Variants in SPMIP2 observed in about 807,000 individuals in gnomAD.
SPMIP2 encodes the protein sperm microtubule inner protein 2, also known as protein SPMIP2.
chr4:158,933,073 G>A, the SPMIP2 span, among the ~76,000 whole-genome samples: 23 of 152,184 alleles, frequency 1.5e-4, no homozygotes, highest in South Asian at 1.0e-3. Context: ...GCGCAATCTC[G>A]GCTCACTGCA....
chr4:158,959,117 C>G, the SPMIP2 span, among the ~76,000 whole-genome samples: 1 of 152,194 alleles, frequency 6.6e-6, no homozygotes, highest in Non-Finnish European at 1.5e-5. Context: ...AACATTCTTT[C>G]ATTCAAAGAA....
the SPMIP2 span, among the ~76,000 whole-genome samples, chr4:158,908,322 C>A: frequency 6.6e-6 from 1 of 151,904 alleles, no homozygotes; most frequent in South Asian, 2.1e-4. Context: ...CCTGCGTAAC[C>A]CTTAAATGTC....
At chr4:159,074,720 G>C in the SPMIP2 span, among the ~76,000 whole-genome samples, 3 of 152,274 alleles carry the variant, frequency 2.0e-5, no homozygotes, top group East Asian at 5.8e-4. Flanking sequence ...AGGTTGACCA[G>C]AAGAAGGAGG....
the SPMIP2 span, chr4:158,904,400 AAAT>A: frequency 3.5e-5 from 48 of 1,377,734 alleles, no homozygotes; most frequent in Non-Finnish European, 4.4e-5. Flanking sequence ...TCATAAAAAG[AAAT>A]AATACTTTCT....
At chr4:159,039,430 A>T in the SPMIP2 span, among the ~76,000 whole-genome samples, 2 of 152,180 alleles carry the variant, frequency 1.3e-5, no homozygotes, top group Admixed American at 6.5e-5. Context: ...TGGAGTGTGT[A>T]TCGAAGAGTA....
chr4:158,964,167 CAA>C, the SPMIP2 span, among the ~76,000 whole-genome samples: 9 of 52,176 alleles, frequency 1.7e-4, no homozygotes, highest in African/African-American at 3.6e-4. Flanking sequence ...CAAAACAAAA[CAA>C]AACAAAACAA....
the SPMIP2 span, among the ~76,000 whole-genome samples, chr4:158,896,513 C>T: frequency 3.3e-5 from 5 of 152,232 alleles, no homozygotes; most frequent in East Asian, 5.8e-4. Context: ...GAACTGCCCC[C>T]GCTTATCCAT....
the SPMIP2 span, among the ~76,000 whole-genome samples, chr4:158,920,639 C>T: frequency 6.6e-6 from 1 of 152,176 alleles, no homozygotes; most frequent in Admixed American, 6.5e-5. Context: ...GTGGTCAAAC[C>T]GGTTCTCTGC....
At chr4:158,959,087 C>T in the SPMIP2 span, among the ~76,000 whole-genome samples, 1 of 152,184 alleles carries the variant, frequency 6.6e-6, no homozygotes, top group Non-Finnish European at 1.5e-5. Flanking sequence ...ACAGCATATT[C>T]CCTAGAAATG....
the SPMIP2 span, among the ~76,000 whole-genome samples, chr4:158,938,637 T>A: frequency 6.6e-6 from 1 of 152,218 alleles, no homozygotes; most frequent in African/African-American, 2.4e-5. Flanking sequence ...ACCAGGACAT[T>A]GCTGGTTGCC....
the SPMIP2 span, among the ~76,000 whole-genome samples, chr4:159,020,863 G>A: frequency 8.5e-5 from 13 of 152,138 alleles, no homozygotes; most frequent in African/African-American, 2.9e-4. Flanking sequence ...CCGGGTTCAC[G>A]CCATTCTCCT....
At chr4:159,071,597 A>C in the SPMIP2 span, among the ~76,000 whole-genome samples, 2 of 152,204 alleles carry the variant, frequency 1.3e-5, no homozygotes, top group East Asian at 3.8e-4. Context: ...GGCCCTTCCC[A>C]AGCCCTGAAA....
the SPMIP2 span, among the ~76,000 whole-genome samples, chr4:158,974,949 T>G: frequency 2.0e-5 from 3 of 152,236 alleles, no homozygotes; most frequent in Non-Finnish European, 4.4e-5. Context: ...TTCCTATTTC[T>G]CAACATCCTC....
the SPMIP2 span, chr4:158,907,748 A>T: frequency 6.6e-6 from 1 of 152,102 alleles, no homozygotes; most frequent in Non-Finnish European, 1.5e-5. Flanking sequence ...TTTTAATATA[A>T]TTTTTGCCTA....
the SPMIP2 span, among the ~76,000 whole-genome samples, chr4:158,992,924 G>A: frequency 2.6e-5 from 4 of 152,202 alleles, no homozygotes; most frequent in African/African-American, 9.7e-5. Context: ...CCTGAATTTG[G>A]GGAGGTGGGC....
the SPMIP2 span, among the ~76,000 whole-genome samples, chr4:158,901,890 C>T: frequency 6.6e-6 from 1 of 151,902 alleles, no homozygotes; most frequent in Non-Finnish European, 1.5e-5. Context: ...ATTCACCTAA[C>T]CTTTTTTCAA....
chr4:159,075,867 T>TTA, the SPMIP2 span, among the ~76,000 whole-genome samples: 1 of 151,940 alleles, frequency 6.6e-6, no homozygotes. Flanking sequence ...TGAACATCCA[T>TTA]GAGCGTTGGA....
At chr4:158,962,613 C>T in the SPMIP2 span, among the ~76,000 whole-genome samples, 90 of 152,224 alleles carry the variant, frequency 5.9e-4, no homozygotes, top group East Asian at 0.017. Flanking sequence ...TTACTGTTAA[C>T]CCCTTAGGTG....
the SPMIP2 span, chr4:159,026,475 C>T: frequency 1.3e-6 from 1 of 750,596 alleles, no homozygotes; most frequent in East Asian, 3.0e-5. Context: ...TCATGGTAGA[C>T]TGTGTCATGA....
Sources: gnomAD v4.1 joint callset for allele counts (sites outside exome capture counted in the v4.1 genomes callset) on GRCh38, gnomAD v4.1.1 for gene constraint, MANE v1.5 for transcripts, NCBI Gene and HGNC (gene_info 2026-07-23, HGNC 2026-07-21) for gene names.